SLC39A12: variants seen among roughly 807,000 people sequenced by gnomAD.
The protein encoded by SLC39A12 is solute carrier family 39 member 12, also known as zinc transporter ZIP12.
SLC39A12 carries 63 observed loss-of-function variants against 71.1 expected under a neutral mutation model. That is an observed-to-expected ratio of 0.89 (90% CI 0.72 to 1.09). The LOEUF is 1.09. Among genes scored for constraint, SLC39A12 ranks in the 50% least tolerant of loss-of-function variants. The pLI, the probability that SLC39A12 is intolerant of heterozygous loss-of-function variation, is 0.00. For missense variants in SLC39A12, 892 were observed against 812.6 expected (o/e 1.10, Z -1.19); for synonymous variants, 351 against 301.3 (o/e 1.16, Z -1.71).
At position 17,953,250 on chromosome 10, in the gene SLC39A12, C is replaced by A; in HGVS notation, c.-27C>A. Reference sequence around the variant, plus strand: ...GCAACACACTCACCTCCATCCAAGACAGACTCAAGGTGGAGGAAGCGTGGA... The same window carrying A: ...GCAACACACTCACCTCCATCCAAGAAAGACTCAAGGTGGAGGAAGCGTGGA... On this transcript the variant is annotated 5_prime_UTR_variant, in exon 2 of 13. Transcript: ENST00000377369. The A allele has an allele frequency of 6.2e-7, 1 of 1,609,018 alleles. No homozygotes were observed. The highest frequency in any genetic ancestry group is 1.7e-5 in the Admixed American group (1 of 59,726).
intron 11 of SLC39A12, chr10:18,002,337 G>A (rs1428771709): frequency 6.6e-6 from 1 of 151,948 alleles, no homozygotes; most frequent in Admixed American, 6.6e-5. Context: ...GTTTATCCAA[G>A]GTCCTCCCTG....
chr10:17,984,686 G>A (rs1454615567), intron 6 of SLC39A12, among the ~76,000 whole-genome samples: 1 of 152,166 alleles, frequency 6.6e-6, no homozygotes, highest in African/African-American at 2.4e-5. Flanking sequence ...CGACGATGTA[G>A]GTGTCTGAAC....
chr10:18,037,020 C>T (rs1837070900), intron 12 of SLC39A12, among the ~76,000 whole-genome samples: 1 of 151,728 alleles, frequency 6.6e-6, no homozygotes, highest in South Asian at 2.1e-4. Flanking sequence ...CTCTTGACCT[C>T]AAGTGATCTG....
intron 3 of SLC39A12, 74 bp from the exon 4 acceptor site, chr10:17,965,409 G>C: frequency 5.0e-6 from 7 of 1,391,410 alleles, no homozygotes; most frequent in Non-Finnish European, 7.0e-6. Context: ...CCTTTAGGGG[G>C]AAATTTCAGA....
At chr10:17,967,402 T>C (rs1834853497) in intron 4 of SLC39A12, among the ~76,000 whole-genome samples, 1 of 152,176 alleles carries the variant, frequency 6.6e-6, no homozygotes, top group Admixed American at 6.5e-5. Context: ...AAAATGGTGA[T>C]CTTCTAACAC....
At chr10:17,982,435 C>A (rs991951100) in intron 6 of SLC39A12, among the ~76,000 whole-genome samples, 1 of 150,968 alleles carries the variant, frequency 6.6e-6, no homozygotes, top group Admixed American at 6.6e-5. Context: ...GTATTATTTT[C>A]TCAGAGCTGT....
In SLC39A12 at chr10:17,990,844, G is replaced by C. The variant is rs140050811; in HGVS notation, c.1270-307G>C. 6.1e-3 allele frequency among the ~76,000 whole-genome samples: 926 copies of C among 152,306 alleles called. 5 individuals carry two copies. The highest frequency in any genetic ancestry group is 0.01 in the Non-Finnish European group (698 of 68,036). ...AATTTGGCCGAAGGACTGAGTTTGT[G>C]TGAAAATCTAGGGCACTTGCAGAAA... On this transcript the variant is annotated intron_variant, in intron 7 of 12. Coordinates refer to ENST00000377369, the MANE Select transcript of SLC39A12 (RefSeq NM_001145195.2).
At chr10:18,016,843 T>G (rs1033508041) in intron 12 of SLC39A12, among the ~76,000 whole-genome samples, 1 of 152,228 alleles carries the variant, frequency 6.6e-6, no homozygotes, top group East Asian at 1.9e-4. Flanking sequence ...TACATCTTCT[T>G]TGGGGAGTCT....
At chr10:18,012,516 C>A (rs1020104194) in intron 12 of SLC39A12, among the ~76,000 whole-genome samples, 1 of 152,118 alleles carries the variant, frequency 6.6e-6, no homozygotes, top group Non-Finnish European at 1.5e-5. Context: ...CCAGACTTCC[C>A]TCCGTCTTGT....
chr10:18,037,848 C>T (rs1313193041), intron 12 of SLC39A12, among the ~76,000 whole-genome samples: 3 of 151,294 alleles, frequency 2.0e-5, no homozygotes, highest in Non-Finnish European at 4.4e-5. Flanking sequence ...CATGAAACCC[C>T]ATCTCTACTA....
intron 12 of SLC39A12, among the ~76,000 whole-genome samples, chr10:18,042,298 G>A (rs915376236): frequency 1.8e-4 from 27 of 151,624 alleles, no homozygotes; most frequent in African/African-American, 3.9e-4. Context: ...GGCAATACAG[G>A]GAAACCCCAT....
Position 17,981,443 on chromosome 10 carries a change from C to A in SLC39A12, c.1056C>A (p.Pro352=). The A allele has an allele frequency of 6.2e-7, 1 of 1,613,674 alleles. No homozygotes were observed. The highest frequency in any genetic ancestry group is 8.5e-7 in the Non-Finnish European group (1 of 1,179,762). ...QQLLSCSCHL[P]KDQQAKLPPT... is the part of the protein sequence containing the mutation. ...TCCTCAGCTGCTCCTGCCACTTACC[C>A]AAGGACCAACAAGCAAAGCTGCCAC... The change falls in exon 6 of 13, where the codon CCC becomes CCA. Residue 352 remains proline (P), a synonymous_variant. Coordinates refer to ENST00000377369, the MANE Select transcript of SLC39A12 (RefSeq NM_001145195.2).
intron 10 of SLC39A12, among the ~76,000 whole-genome samples, chr10:17,999,051 C>G (rs146535120): frequency 0.048 from 7,355 of 152,178 alleles, 242 homozygotes; most frequent in Non-Finnish European, 0.074. Context: ...AATCCCAGCA[C>G]TTTGGGAGGC....
At chr10:18,015,607 C>G (rs1298285788) in intron 12 of SLC39A12, among the ~76,000 whole-genome samples, 1 of 148,110 alleles carries the variant, frequency 6.8e-6, no homozygotes, top group Admixed American at 6.8e-5. Context: ...TCTAGTAACT[C>G]GAAATATGCT....
At chr10:18,016,470 A>G (rs1027794449) in intron 12 of SLC39A12, among the ~76,000 whole-genome samples, 3 of 152,206 alleles carry the variant, frequency 2.0e-5, no homozygotes, top group African/African-American at 4.8e-5. Context: ...GGTTCCTTCC[A>G]AATTTTGGTA....
rs139478691 is a variant in SLC39A12, at chr10:18,036,697, G to T, written c.1948-6008G>T. On this transcript the variant is annotated intron_variant, in intron 12 of 12. Transcript: ENST00000377369. ...CCCCGTGATATCTTTTACAACAAAG[G>T]CAGCCTAATAACTATATCATTGGCA... 9.2e-3 allele frequency among the ~76,000 whole-genome samples: 1,327 copies of T among 143,640 alleles called. 18 individuals carry two copies. Among genetic ancestry groups the T allele is most frequent in the Middle Eastern group, 0.016 (4 of 258 alleles). The allele number at this position is 143,640 out of a possible 152,430, so 94.2% of individuals were successfully genotyped here.
At chr10:18,017,815 C>T (rs557931517) in intron 12 of SLC39A12, among the ~76,000 whole-genome samples, 85 of 152,310 alleles carry the variant, frequency 5.6e-4, no homozygotes, top group Admixed American at 1.8e-3. Context: ...CAGGTGGTGT[C>T]AGGCCTCCAA....
chr10:18,020,253 G>A (rs1836494611), intron 12 of SLC39A12, among the ~76,000 whole-genome samples: 1 of 151,904 alleles, frequency 6.6e-6, no homozygotes, highest in Admixed American at 6.6e-5. Flanking sequence ...ATTCACTTAG[G>A]ATAACGGCCA....
chr10:17,981,130 A>T (rs1174527860), intron 5 of SLC39A12, among the ~76,000 whole-genome samples, 182 bp from the exon 6 acceptor site: 1 of 152,214 alleles, frequency 6.6e-6, no homozygotes, highest in Non-Finnish European at 1.5e-5. Flanking sequence ...TTGGTCAGAG[A>T]TTTAAGACAT....
Sources: gnomAD v4.1 joint callset for allele counts (sites outside exome capture counted in the v4.1 genomes callset) on GRCh38, gnomAD v4.1.1 for gene constraint, MANE v1.5 for transcripts, NCBI Gene and HGNC (gene_info 2026-07-23, HGNC 2026-07-21) for gene names.